Variants in CUEDC1 observed in about 807,000 individuals in gnomAD.
CUEDC1 encodes the protein CUE domain containing 1, also known as CUE domain-containing protein 1.
A neutral mutation model predicts 43.7 loss-of-function variants in CUEDC1; 30 were observed. The ratio of observed to expected loss-of-function variants is 0.69; its 90% confidence interval spans 0.51 to 0.93. CUEDC1 has a LOEUF of 0.93. Ranked by LOEUF, CUEDC1 falls within the 40% of genes least tolerant of loss-of-function variation. CUEDC1 has a pLI of 0.00. For missense variants in CUEDC1, 486 were observed against 549.0 expected (o/e 0.89, Z 1.15); for synonymous variants, 223 against 223.6 (o/e 1.00, Z 0.02).
chr17:57,869,287 A>C (rs1260388678), intron 6 of CUEDC1, 94 bp from the exon 7 acceptor site: 57 of 1,093,130 alleles, frequency 5.2e-5, no homozygotes, highest in Non-Finnish European at 7.8e-5. Flanking sequence ...ATGCAAAGAA[A>C]GAGCAGGCTT....
chr17:57,906,956 A>T (rs2074535510), intron 1 of CUEDC1, among the ~76,000 whole-genome samples: 1 of 144,994 alleles, frequency 6.9e-6, no homozygotes, highest in South Asian at 2.2e-4. Flanking sequence ...GGGCAACAAG[A>T]GTGAAACTCT....
chr17:57,922,630 A>G (rs747033026), intron 1 of CUEDC1: 1 of 152,216 alleles, frequency 6.6e-6, no homozygotes, highest in African/African-American at 2.4e-5. Context: ...GCCTTAGGTG[A>G]CTGGATTCAC....
At chr17:57,897,644 T>G (rs943883224) in intron 1 of CUEDC1, among the ~76,000 whole-genome samples, 16 of 136,408 alleles carry the variant, frequency 1.2e-4, no homozygotes, top group Admixed American at 3.7e-4. Context: ...CACTCCAGCC[T>G]GGTCTCAATG....
intron 1 of CUEDC1, among the ~76,000 whole-genome samples, chr17:57,928,325 G>A (rs1040776780): frequency 3.9e-5 from 6 of 152,042 alleles, no homozygotes; most frequent in African/African-American, 1.2e-4. Context: ...CGAGGTGGGC[G>A]GATCACCAGG....
chr17:57,953,323 G>A (rs911216089), intron 1 of CUEDC1, among the ~76,000 whole-genome samples: 7 of 152,170 alleles, frequency 4.6e-5, no homozygotes, highest in Non-Finnish European at 7.3e-5. Flanking sequence ...TGAGCCCCTG[G>A]AAAAGGGCCA....
chr17:57,917,937 G>T (rs1018502290), intron 1 of CUEDC1, among the ~76,000 whole-genome samples: 4 of 152,220 alleles, frequency 2.6e-5, no homozygotes, highest in African/African-American at 9.7e-5. Flanking sequence ...TACATGGACT[G>T]CTCTGTGTAG....
At chr17:57,886,985 AT>A (rs1038687740) in intron 1 of CUEDC1, among the ~76,000 whole-genome samples, 7 of 150,216 alleles carry the variant, frequency 4.7e-5, no homozygotes, top group Middle Eastern at 3.4e-3. Context: ...CACCCGGCTA[AT>A]TTTTTTTTGT....
chr17:57,872,547 A>G, intron 5 of CUEDC1, 116 bp downstream of exon 5: 1 of 1,167,050 alleles, frequency 8.6e-7, no homozygotes, highest in Non-Finnish European at 1.2e-6. Context: ...CCTCAATAGG[A>G]CAGAAAGCAC....
chr17:57,937,112 C>T (rs1186264415), intron 1 of CUEDC1, among the ~76,000 whole-genome samples: 3 of 152,242 alleles, frequency 2.0e-5, no homozygotes, highest in Admixed American at 6.5e-5. Flanking sequence ...AGCCACCGCA[C>T]CCAGCCCTCA....
intron 1 of CUEDC1, among the ~76,000 whole-genome samples, chr17:57,950,183 C>T (rs527428391): frequency 6.6e-6 from 1 of 152,306 alleles, no homozygotes; most frequent in East Asian, 1.9e-4. Context: ...CAGAGTCTCA[C>T]TCTGTCACCC....
At chr17:57,864,126 A>C (rs2073922373) in intron 10 of CUEDC1, among the ~76,000 whole-genome samples, 1 of 152,090 alleles carries the variant, frequency 6.6e-6, no homozygotes, top group Non-Finnish European at 1.5e-5. Flanking sequence ...GGCAGTGAAG[A>C]GAACAGGGCT....
chr17:57,876,139 T>A (rs1302865429), intron 3 of CUEDC1, among the ~76,000 whole-genome samples: 2 of 152,132 alleles, frequency 1.3e-5, no homozygotes, highest in Non-Finnish European at 2.9e-5. Context: ...GGAAGATTCC[T>A]AAAACACGAA....
intron 1 of CUEDC1, among the ~76,000 whole-genome samples, chr17:57,916,770 C>T (rs1020275711): frequency 1.3e-5 from 2 of 152,216 alleles, no homozygotes; most frequent in Non-Finnish European, 2.9e-5. Context: ...GACGGAAATC[C>T]ACAGTGAGCA....
chr17:57,867,120 G>A (rs957268818), intron 9 of CUEDC1: 1 of 584,386 alleles, frequency 1.7e-6, no homozygotes. Flanking sequence ...GGCACTTCAT[G>A]CTACAGGTAC....
intron 1 of CUEDC1, among the ~76,000 whole-genome samples, chr17:57,917,807 G>A (rs767929479): frequency 1.3e-5 from 2 of 152,232 alleles, no homozygotes; most frequent in Non-Finnish European, 1.5e-5. Flanking sequence ...GAATGCAGGT[G>A]ACGTGCACTG....
chr17:57,900,747 T>C (rs2074462721), intron 1 of CUEDC1, among the ~76,000 whole-genome samples: 1 of 152,216 alleles, frequency 6.6e-6, no homozygotes, highest in African/African-American at 2.4e-5. Context: ...TCTCCTGACA[T>C]ACCACTTACT....
intron 1 of CUEDC1, among the ~76,000 whole-genome samples, chr17:57,931,201 CATCT>C (rs1323718107): frequency 2.0e-5 from 3 of 152,028 alleles, no homozygotes; most frequent in African/African-American, 4.8e-5. Flanking sequence ...AGTGTGGGAT[CATCT>C]GAGCCTGGGA....
At chr17:57,890,617 A>G (rs1157871769) in intron 1 of CUEDC1, among the ~76,000 whole-genome samples, 2 of 151,830 alleles carry the variant, frequency 1.3e-5, no homozygotes, top group African/African-American at 2.4e-5. Flanking sequence ...GTGGCCCTCC[A>G]CCTCCCCTGT....
chr17:57,885,788 G>A lies in CUEDC1; in HGVS notation c.-224C>T, dbSNP rs1002795718. 1.6e-4 allele frequency: 82 copies of A among 525,480 alleles called. No homozygotes were observed. The highest frequency in any genetic ancestry group is 3.2e-4 in the Admixed American group (7 of 21,592). The allele number at this position is 525,480 out of a possible 1,614,324, so 32.6% of individuals were successfully genotyped here. On this transcript the variant is annotated 5_prime_UTR_variant, in exon 2 of 11. Coordinates refer to ENST00000577830, the MANE Select transcript of CUEDC1 (RefSeq NM_001271875.2). The stretch of plus-strand genomic sequence containing the variant: ...CCTTGGAGAGCGGTCCTCGCGGGGC[G>A]GTGGCATGCGGGACCGGGCCGTGCT...
Sources: allele counts gnomAD v4.1 joint callset (sites outside exome capture counted in the v4.1 genomes callset), GRCh38; gene constraint gnomAD v4.1.1; transcripts MANE v1.5; gene names NCBI Gene and HGNC (gene_info 2026-07-23, HGNC 2026-07-21).